APBA2: variants seen among roughly 807,000 people sequenced by gnomAD.
APBA2 encodes amyloid beta precursor protein binding family A member 2.
A neutral mutation model predicts 75.0 loss-of-function variants in APBA2; 30 were observed. That is an observed-to-expected ratio of 0.40 (90% CI 0.30 to 0.54). The LOEUF (loss-of-function observed/expected upper bound fraction) is 0.54. Ranked by LOEUF, APBA2 falls within the 20% of genes least tolerant of loss-of-function variation. The pLI, the probability that APBA2 is intolerant of heterozygous loss-of-function variation, is 0.49. For synonymous variants in APBA2, 444 were observed against 409.6 expected, an observed-to-expected ratio of 1.08 and a Z score of -1.01; for missense variants, 801 against 1,016.1, an observed-to-expected ratio of 0.79 and a Z score of 2.88.
intron 1 of APBA2, among the ~76,000 whole-genome samples, chr15:28,906,097 G>C (rs1208809870): frequency 6.6e-6 from 1 of 151,972 alleles, no homozygotes; most frequent in African/African-American, 2.4e-5. Context: ...TCAACAAAAT[G>C]AGATCCTATT....
chr15:29,053,859 T>G lies in APBA2; in HGVS notation c.-26T>G. 6.3e-7 allele frequency: 1 copy of G among 1,599,002 alleles called. No homozygotes were observed. ...CCTCCCCACAGTGGCTGCCTCCGGG[T>G]GATGATGGCTGTGTGAACGACTGCC... On this transcript the variant is annotated 5_prime_UTR_variant, in exon 4 of 15. Coordinates refer to ENST00000683413, the MANE Select transcript of APBA2 (RefSeq NM_001353788.2).
intron 6 of APBA2, among the ~76,000 whole-genome samples, chr15:29,080,084 G>A (rs1443172010): frequency 6.6e-6 from 1 of 152,170 alleles, no homozygotes; most frequent in Non-Finnish European, 1.5e-5. Flanking sequence ...ACATAAACTC[G>A]TAGCCGAGGT....
At chr15:28,989,825 C>G (rs1220962501) in intron 2 of APBA2, among the ~76,000 whole-genome samples, 2 of 152,182 alleles carry the variant, frequency 1.3e-5, no homozygotes, top group African/African-American at 2.4e-5. Context: ...ACCTTCTCTT[C>G]CCCTTCATCC....
intron 14 of APBA2, among the ~76,000 whole-genome samples, chr15:29,116,043 AG>A (rs2045100682): frequency 6.7e-6 from 1 of 148,932 alleles, no homozygotes; most frequent in Non-Finnish European, 1.5e-5. Context: ...GGAGAGGAGA[AG>A]TGGGCAGTAG....
At chr15:29,056,365 A>G (rs1045983167) in intron 4 of APBA2, among the ~76,000 whole-genome samples, 2 of 152,132 alleles carry the variant, frequency 1.3e-5, no homozygotes, top group African/African-American at 4.8e-5. Flanking sequence ...TGGAGGATCA[A>G]GAGGATGTCT....
chr15:28,930,085 G>A (rs1317389602), intron 2 of APBA2, among the ~76,000 whole-genome samples: 1 of 152,174 alleles, frequency 6.6e-6, no homozygotes. Flanking sequence ...GGAGGTGGAA[G>A]GGGGGCAAAA....
At chr15:29,092,971 C>T (rs1406481864) in intron 6 of APBA2, 104 bp from the exon 7 acceptor site, 2 of 1,489,586 alleles carry the variant, frequency 1.3e-6, no homozygotes, top group Non-Finnish European at 1.9e-6. Flanking sequence ...CTAGTTTGCC[C>T]CGCATCCTGG....
intron 3 of APBA2, among the ~76,000 whole-genome samples, chr15:29,006,812 G>A (rs997377739): frequency 1.3e-5 from 2 of 152,150 alleles, no homozygotes; most frequent in Non-Finnish European, 2.9e-5. Flanking sequence ...TTTGGCGTGG[G>A]ACATAGCCAA....
At chr15:28,919,140 G>A (rs1486698760) in intron 1 of APBA2, among the ~76,000 whole-genome samples, 1 of 152,202 alleles carries the variant, frequency 6.6e-6, no homozygotes, top group Non-Finnish European at 1.5e-5. Flanking sequence ...GATTACAGGC[G>A]TGAGCCACTG....
chr15:29,077,642 G>A (rs370857269), intron 6 of APBA2, among the ~76,000 whole-genome samples: 42 of 152,234 alleles, frequency 2.8e-4, no homozygotes, highest in East Asian at 1.2e-3. Context: ...AAACAAGGCC[G>A]GTGGCTTAAA....
At chr15:28,948,797 AGTT>A (rs1470185953) in intron 2 of APBA2, among the ~76,000 whole-genome samples, 1 of 152,060 alleles carries the variant, frequency 6.6e-6, no homozygotes, top group Non-Finnish European at 1.5e-5. Context: ...GGCAGGAAGC[AGTT>A]GTTTGGGAAT....
chr15:29,023,736 A>C (rs1053542737), intron 3 of APBA2, among the ~76,000 whole-genome samples: 2 of 151,522 alleles, frequency 1.3e-5, no homozygotes, highest in African/African-American at 4.9e-5. Flanking sequence ...GATTATAGGC[A>C]TGAGCCACCA....
intron 13 of APBA2, among the ~76,000 whole-genome samples, chr15:29,111,616 G>C (rs1329805240): frequency 2.0e-5 from 3 of 152,118 alleles, no homozygotes. Flanking sequence ...AGGCCCCCAG[G>C]TGCGGACCAC....
At chr15:28,971,407 C>T (rs189811850) in intron 2 of APBA2, among the ~76,000 whole-genome samples, 1 of 152,286 alleles carries the variant, frequency 6.6e-6, no homozygotes, top group African/African-American at 2.4e-5. Context: ...GACCAGGATA[C>T]AGGGTTTCAG....
intron 10 of APBA2, among the ~76,000 whole-genome samples, chr15:29,103,390 TG>T (rs1042538231): frequency 3.9e-5 from 6 of 152,206 alleles, no homozygotes; most frequent in African/African-American, 1.4e-4. Flanking sequence ...AGGTGGGGCC[TG>T]GGCTGGGCTC....
chr15:29,031,009 C>T (rs1016496540), intron 3 of APBA2, among the ~76,000 whole-genome samples: 1 of 151,556 alleles, frequency 6.6e-6, no homozygotes, highest in Non-Finnish European at 1.5e-5. Flanking sequence ...GGGAATTTTT[C>T]CTTTTATGCC....
intron 2 of APBA2, among the ~76,000 whole-genome samples, chr15:28,940,442 A>AGGAGAAT (rs1409903489): frequency 6.9e-6 from 1 of 145,686 alleles, no homozygotes; most frequent in Non-Finnish European, 1.5e-5. Context: ...AGGCTGAGAC[A>AGGAGAAT]GGAGAATGGA....
chr15:28,929,620 C>T lies in APBA2; in HGVS notation c.-95+7871C>T, dbSNP rs532720005. ...AAGGGGGTTTTTCTGTGGTCACTTC[C>T]GCGTTGCTAGTTGTTTTGCCCTCTT... On this transcript the variant is annotated intron_variant, in intron 2 of 14. Transcript: ENST00000683413. Among the ~76,000 whole-genome samples, 50 of 152,238 alleles carry T rather than the reference C, an allele frequency of 3.3e-4. 1 individual carries two copies. Among genetic ancestry groups the T allele is most frequent in the Admixed American group, 1.1e-3 (17 of 15,288 alleles).
At chr15:29,033,272 C>G (rs1473460266) in intron 3 of APBA2, among the ~76,000 whole-genome samples, 1 of 152,212 alleles carries the variant, frequency 6.6e-6, no homozygotes, top group African/African-American at 2.4e-5. Flanking sequence ...CTGCACCTGA[C>G]ACCTCTTCTT....
Sources: gnomAD v4.1 joint callset for allele counts (sites outside exome capture counted in the v4.1 genomes callset) on GRCh38, gnomAD v4.1.1 for gene constraint, MANE v1.5 for transcripts, NCBI Gene and HGNC (gene_info 2026-07-23, HGNC 2026-07-21) for gene names.